Variants in PDSS2 observed in about 807,000 individuals in gnomAD.
The protein encoded by PDSS2 is all trans-polyprenyl-diphosphate synthase PDSS2.
PDSS2 carries 31 observed loss-of-function variants against 44.5 expected under a neutral mutation model. The ratio of observed to expected loss-of-function variants is 0.70; its 90% confidence interval spans 0.52 to 0.94. The LOEUF (loss-of-function observed/expected upper bound fraction) is 0.94. Ranked by LOEUF, PDSS2 falls within the 40% of genes least tolerant of loss-of-function variation. The pLI, the probability that PDSS2 is intolerant of heterozygous loss-of-function variation, is 0.00. For missense variants in PDSS2, 452 were observed against 482.2 expected (o/e 0.94, Z 0.59); for synonymous variants, 157 against 180.3 (o/e 0.87, Z 1.03).
chr6:107,433,680 T>G (rs1781262372), intron 1 of PDSS2, among the ~76,000 whole-genome samples: 1 of 152,194 alleles, frequency 6.6e-6, no homozygotes, highest in Non-Finnish European at 1.5e-5. Context: ...AAGAAAATAT[T>G]GGGCATACTC....
At chr6:107,285,968 C>T (rs896125830) in intron 2 of PDSS2, among the ~76,000 whole-genome samples, 6 of 151,756 alleles carry the variant, frequency 4.0e-5, no homozygotes, top group Admixed American at 6.6e-5. Context: ...GGCAAAACCC[C>T]GTCCCTACTA....
chr6:107,355,677 G>A (rs1443238967), intron 1 of PDSS2, among the ~76,000 whole-genome samples: 7 of 152,170 alleles, frequency 4.6e-5, no homozygotes, highest in Non-Finnish European at 1.0e-4. Context: ...AGTACTTGCA[G>A]CGTGGAAAAC....
chr6:107,335,089 G>A (rs370922496), intron 1 of PDSS2, among the ~76,000 whole-genome samples: 42 of 151,050 alleles, frequency 2.8e-4, no homozygotes, highest in African/African-American at 9.5e-4. Context: ...GGTTGGGGGG[G>A]TGCTGAGGCT....
At chr6:107,335,536 AAC>A (rs1435535417) in intron 1 of PDSS2, among the ~76,000 whole-genome samples, 1 of 152,220 alleles carries the variant, frequency 6.6e-6, no homozygotes, top group African/African-American at 2.4e-5. Context: ...ATTACTTACA[AAC>A]ATTATAATTC....
At chr6:107,334,161 T>C (rs147946566) in intron 2 of PDSS2, 37 bp downstream of exon 2, 1,005 of 1,586,132 alleles carry the variant, frequency 6.3e-4, no homozygotes, top group Non-Finnish European at 8.0e-4. Context: ...GAAAACACGA[T>C]GTAGAGAGCA....
At chr6:107,339,149 G>C (rs1346314143) in intron 1 of PDSS2, among the ~76,000 whole-genome samples, 2 of 152,202 alleles carry the variant, frequency 1.3e-5, no homozygotes, top group African/African-American at 4.8e-5. Context: ...AGATGTTTAA[G>C]AAGCTGCACG....
intron 2 of PDSS2, among the ~76,000 whole-genome samples, chr6:107,310,269 A>G (rs1776998084): frequency 7.3e-6 from 1 of 137,508 alleles, no homozygotes; most frequent in African/African-American, 2.7e-5. Context: ...TGGGCGACAG[A>G]GCAAGACTCC....
intron 3 of PDSS2, among the ~76,000 whole-genome samples, chr6:107,247,255 G>A (rs1008319533): frequency 2.6e-5 from 4 of 152,332 alleles, no homozygotes; most frequent in Admixed American, 6.5e-5. Flanking sequence ...CATTGGTAAC[G>A]TGAAGAGGGA....
intron 7 of PDSS2, among the ~76,000 whole-genome samples, chr6:107,176,894 C>A (rs569286757): frequency 1.6e-4 from 24 of 151,874 alleles, no homozygotes; most frequent in African/African-American, 5.6e-4. Flanking sequence ...TAATTGTTGA[C>A]AGAATGGCAG....
intron 4 of PDSS2, among the ~76,000 whole-genome samples, chr6:107,236,693 C>T (rs1774236953): frequency 6.6e-6 from 1 of 152,162 alleles, no homozygotes; most frequent in Non-Finnish European, 1.5e-5. Context: ...GCTATTTCCT[C>T]TACTTGGAAT....
intron 7 of PDSS2, among the ~76,000 whole-genome samples, chr6:107,180,581 C>T (rs978221786): frequency 1.3e-5 from 2 of 152,144 alleles, no homozygotes; most frequent in African/African-American, 4.8e-5. Context: ...CTATCCTGCA[C>T]CAGGTGCTGT....
chr6:107,299,967 C>A (rs1776639982), intron 2 of PDSS2, among the ~76,000 whole-genome samples: 1 of 152,096 alleles, frequency 6.6e-6, no homozygotes, highest in Non-Finnish European at 1.5e-5. Context: ...CTAGCCCCTA[C>A]AAAGGACTAG....
chr6:107,175,648 T>C (rs142069296), intron 7 of PDSS2, among the ~76,000 whole-genome samples: 10 of 152,346 alleles, frequency 6.6e-5, no homozygotes, highest in African/African-American at 2.4e-4. Context: ...TATTTAATTA[T>C]GTACCTCTAC....
intron 1 of PDSS2, among the ~76,000 whole-genome samples, chr6:107,386,700 A>C (rs1411640055): frequency 6.6e-6 from 1 of 152,250 alleles, no homozygotes; most frequent in Non-Finnish European, 1.5e-5. Flanking sequence ...GCAGACTGCA[A>C]GCTATACTAC....
chr6:107,374,292 C>A (rs1779216601), intron 1 of PDSS2, among the ~76,000 whole-genome samples: 1 of 147,996 alleles, frequency 6.8e-6, no homozygotes, highest in Admixed American at 6.8e-5. Context: ...ATGAAAGCAA[C>A]TAACAGCAGC....
At chr6:107,449,965 TACCTC>T (rs1781812750) in intron 1 of PDSS2, among the ~76,000 whole-genome samples, 1 of 152,238 alleles carries the variant, frequency 6.6e-6, no homozygotes, top group African/African-American at 2.4e-5. Context: ...GGGTTGCTTC[TACCTC>T]TTGGCTACTG....
chr6:107,350,877 G>GA (rs1049255448), intron 1 of PDSS2, among the ~76,000 whole-genome samples: 6 of 147,122 alleles, frequency 4.1e-5, no homozygotes, highest in East Asian at 2.0e-4. Context: ...TTCCCTGGGG[G>GA]AAAAAAAAAC....
At chr6:107,426,964 G>T (rs558876217) in intron 1 of PDSS2, among the ~76,000 whole-genome samples, 1 of 152,262 alleles carries the variant, frequency 6.6e-6, no homozygotes, top group East Asian at 1.9e-4. Context: ...ATGCTGAAAT[G>T]AGTTAAGACT....
intron 1 of PDSS2, among the ~76,000 whole-genome samples, chr6:107,429,661 G>T (rs1158242843): frequency 6.6e-6 from 1 of 151,764 alleles, no homozygotes; most frequent in East Asian, 1.9e-4. Context: ...AAGGCAGCCA[G>T]ATCATCTGAG....
Sources: allele counts gnomAD v4.1 joint callset (sites outside exome capture counted in the v4.1 genomes callset), GRCh38; gene constraint gnomAD v4.1.1; transcripts MANE v1.5; gene names NCBI Gene and HGNC (gene_info 2026-07-23, HGNC 2026-07-21).